Variants in CSMD3 observed in about 807,000 individuals in gnomAD.
CSMD3 encodes CUB and sushi domain-containing protein 3.
Under a neutral mutation model 435.2 loss-of-function variants are expected in CSMD3, and 177 were observed. That is an observed-to-expected ratio of 0.41 (90% CI 0.36 to 0.46). The LOEUF (loss-of-function observed/expected upper bound fraction) is 0.46. Among genes scored for constraint, CSMD3 ranks in the 20% least tolerant of loss-of-function variants. The pLI, the probability that CSMD3 is intolerant of heterozygous loss-of-function variation, is 0.34. For missense variants in CSMD3, 4,265 were observed against 4,504.6 expected, an observed-to-expected ratio of 0.95 and a Z score of 1.52; for synonymous variants, 1,656 against 1,520.5, an observed-to-expected ratio of 1.09 and a Z score of -2.07.
At chr8:113,384,169 T>G (rs2094429788) in intron 1 of CSMD3, among the ~76,000 whole-genome samples, 1 of 152,196 alleles carries the variant, frequency 6.6e-6, no homozygotes, top group South Asian at 2.1e-4. Flanking sequence ...TGTCATAGTC[T>G]ATAATAATTA....
chr8:113,238,387 T>C (rs1307149502), intron 3 of CSMD3, among the ~76,000 whole-genome samples: 2 of 152,084 alleles, frequency 1.3e-5, no homozygotes, highest in Non-Finnish European at 2.9e-5. Flanking sequence ...CAAAATTATA[T>C]TGGGGTTAGA....
In CSMD3 at chr8:112,975,939, C is replaced by G. The variant is rs973478117; in HGVS notation, c.1240G>C (p.Gly414Arg). 1 of 1,613,966 alleles carries G rather than the reference C, an allele frequency of 6.2e-7. No individual in the cohort carries two copies. Among genetic ancestry groups the G allele is most frequent in the Non-Finnish European group, 8.5e-7 (1 of 1,179,952 alleles). ...SGLDPNTSKD[G>R]LSPHPADTQS... is the part of the protein sequence containing the mutation. ...GTATCTGCTGGATGAGGAGAGAGCC[C>G]GTCCTTGGACGTGTTGGGGTCCAGA... is the stretch of plus-strand genomic sequence containing the variant. Residue 414 changes from glycine to arginine, a missense_variant, in exon 7 of 71, where the codon GGG becomes CGG. Gly to Arg is a moderately radical substitution (Grantham distance 125, BLOSUM62 -2). This residue lies in a region of CSMD3 where 731 missense variants were observed against 755.4 expected (regional missense o/e 0.97). Transcript: ENST00000297405.
intron 10 of CSMD3, among the ~76,000 whole-genome samples, chr8:112,894,635 T>C (rs1005470060): frequency 2.6e-5 from 4 of 151,306 alleles, no homozygotes; most frequent in Admixed American, 6.6e-5. Context: ...ATATATATAA[T>C]TCAATATTTT....
chr8:112,744,917 A>G (rs2077393982), intron 13 of CSMD3, among the ~76,000 whole-genome samples: 1 of 152,142 alleles, frequency 6.6e-6, no homozygotes, highest in Admixed American at 6.6e-5. Flanking sequence ...TCTTGAGCAC[A>G]CTGTAAACCT....
chr8:112,829,953 T>A (rs1479072491), intron 11 of CSMD3, among the ~76,000 whole-genome samples, 164 bp from the exon 12 acceptor site: 1 of 151,942 alleles, frequency 6.6e-6, no homozygotes, highest in Non-Finnish European at 1.5e-5. Flanking sequence ...TATAAATATA[T>A]ATATAATTTC....
intron 3 of CSMD3, among the ~76,000 whole-genome samples, chr8:113,197,888 G>C (rs1299458633): frequency 3.3e-5 from 5 of 151,164 alleles, no homozygotes; most frequent in Non-Finnish European, 5.9e-5. Context: ...GAACTAAATG[G>C]AGAGAATGTT....
intron 1 of CSMD3, among the ~76,000 whole-genome samples, chr8:113,367,856 T>C (rs2094322500): frequency 6.6e-6 from 1 of 152,090 alleles, no homozygotes; most frequent in Admixed American, 6.6e-5. Flanking sequence ...CTTTGCCTCT[T>C]CCCTGGATGC....
chr8:112,439,433 C>T (rs16883600), intron 32 of CSMD3, among the ~76,000 whole-genome samples: 8,806 of 152,162 alleles, frequency 0.058, 300 homozygotes, highest in South Asian at 0.12. Context: ...GCCACCGTGA[C>T]ATACTTTTAA....
intron 31 of CSMD3, among the ~76,000 whole-genome samples, chr8:112,488,682 T>A (rs997816557): frequency 7.9e-5 from 12 of 152,078 alleles, no homozygotes; most frequent in Non-Finnish European, 1.5e-5. Context: ...AAATTAGAAA[T>A]AGAGGCGTAC....
intron 41 of CSMD3, among the ~76,000 whole-genome samples, chr8:112,344,288 C>T (rs2131012423): frequency 6.6e-6 from 1 of 152,278 alleles, no homozygotes; most frequent in South Asian, 2.1e-4. Flanking sequence ...ATCCTGTGCT[C>T]TCTAGTTACA....
At chr8:112,589,888 G>T (rs145533693) in intron 22 of CSMD3, among the ~76,000 whole-genome samples, 1 of 152,036 alleles carries the variant, frequency 6.6e-6, no homozygotes, top group African/African-American at 2.4e-5. Flanking sequence ...AGAGTATACC[G>T]CTATCACTGA....
At chr8:113,003,934 A>G (rs2085959977) in intron 6 of CSMD3, among the ~76,000 whole-genome samples, 1 of 152,014 alleles carries the variant, frequency 6.6e-6, no homozygotes, top group African/African-American at 2.4e-5. Flanking sequence ...AAAAACATTT[A>G]TTTTTCTAAC....
At chr8:113,035,450 T>C (rs2087304210) in intron 5 of CSMD3, among the ~76,000 whole-genome samples, 7 of 151,860 alleles carry the variant, frequency 4.6e-5, no homozygotes, top group Admixed American at 4.6e-4. Flanking sequence ...GACAAGACTA[T>C]ACAAATGGAA....
chr8:112,816,300 G>GT (rs1167928834), intron 12 of CSMD3, among the ~76,000 whole-genome samples: 1 of 152,056 alleles, frequency 6.6e-6, no homozygotes, highest in Admixed American at 6.6e-5. Flanking sequence ...GTGTATGTTT[G>GT]TAAGTATGCA....
chr8:112,698,595 G>C (rs2076311342), intron 13 of CSMD3, among the ~76,000 whole-genome samples: 1 of 152,120 alleles, frequency 6.6e-6, no homozygotes, highest in South Asian at 2.1e-4. Context: ...AAAGAATGAT[G>C]GTGGGGACAT....
At chr8:113,241,603 T>TG (rs1554584715) in intron 3 of CSMD3, among the ~76,000 whole-genome samples, 1 of 140,114 alleles carries the variant, frequency 7.1e-6, no homozygotes, top group Non-Finnish European at 1.6e-5. Flanking sequence ...TATTTTTTGC[T>TG]GAAAAAAAAA....
At chr8:112,742,990 A>G (rs1182143932) in intron 13 of CSMD3, among the ~76,000 whole-genome samples, 1 of 152,018 alleles carries the variant, frequency 6.6e-6, no homozygotes, top group Non-Finnish European at 1.5e-5. Context: ...AATTTTAAAT[A>G]AAGGGTCCAG....
intron 13 of CSMD3, among the ~76,000 whole-genome samples, chr8:112,764,455 C>T (rs1228769586): frequency 6.6e-6 from 1 of 151,326 alleles, no homozygotes. Context: ...GTAATTGAGT[C>T]TAATTTTACC....
intron 36 of CSMD3, among the ~76,000 whole-genome samples, chr8:112,385,708 A>G (rs972834748): frequency 6.6e-6 from 1 of 152,176 alleles, no homozygotes; most frequent in Non-Finnish European, 1.5e-5. Flanking sequence ...ATTTTGTGTG[A>G]TTTGAATAGG....
Sources: gnomAD v4.1 joint callset for allele counts (sites outside exome capture counted in the v4.1 genomes callset) on GRCh38, gnomAD v4.1.1 for gene constraint, gnomAD v4.1.1 regional missense constraint, MANE v1.5 for transcripts, NCBI Gene and HGNC (gene_info 2026-07-23, HGNC 2026-07-21) for gene names.